ELOVL6: variants seen among roughly 807,000 people sequenced by gnomAD.
ELOVL6 encodes the protein very long chain fatty acid elongase 6.
A neutral mutation model predicts 31.7 loss-of-function variants in ELOVL6; 8 were observed. The ratio of observed to expected loss-of-function variants is 0.25; its 90% CI spans 0.15 to 0.45. The LOEUF is 0.45. Ranked by LOEUF, ELOVL6 falls within the 20% of genes least tolerant of loss-of-function variation. The probability of loss-of-function intolerance (pLI) is 1.00; values close to 1 mark genes in which losing one functional copy is unlikely to be tolerated. For missense variants in ELOVL6, 126 were observed against 326.4 expected (o/e 0.39, Z 4.73); for synonymous variants, 101 against 117.7 (o/e 0.86, Z 0.92).
At chr4:110,057,783 G>A (rs773357465) in intron 3 of ELOVL6, among the ~76,000 whole-genome samples, 17 of 150,412 alleles carry the variant, frequency 1.1e-4, no homozygotes, top group Admixed American at 8.0e-4. Context: ...CCCGGGACAC[G>A]GAGGTTGCAG....
chr4:110,179,173 G>A (rs1480194307), intron 1 of ELOVL6, among the ~76,000 whole-genome samples: 2 of 151,914 alleles, frequency 1.3e-5, no homozygotes, highest in Non-Finnish European at 2.9e-5. Context: ...TTTAATTGAC[G>A]AGACAAATAA....
chr4:110,055,276 G>A (rs1454060219), intron 3 of ELOVL6, among the ~76,000 whole-genome samples: 2 of 152,182 alleles, frequency 1.3e-5, no homozygotes, highest in African/African-American at 4.8e-5. Flanking sequence ...AGAAGCTATA[G>A]AGTGACCCAG....
chr4:110,182,011 G>A (rs1003981441), intron 1 of ELOVL6, among the ~76,000 whole-genome samples: 1 of 152,190 alleles, frequency 6.6e-6, no homozygotes, highest in African/African-American at 2.4e-5. Context: ...TACGTGTGCA[G>A]CATCTGTTTC....
In ELOVL6 at chr4:110,048,051, G is replaced by A. The variant is rs1174222957; in HGVS notation, c.*3287C>T. On this transcript the variant is annotated 3_prime_UTR_variant, in exon 4 of 4. Coordinates refer to ENST00000302274, the MANE Select transcript of ELOVL6 (RefSeq NM_024090.3). ...TCTTTTCTCATCAGTTTCTTTACAT[G>A]AGCAGAGAGGTGGAGAAGCGAGGGG... 2.6e-5 allele frequency: 4 copies of A among 152,010 alleles called. No homozygotes were observed. The highest frequency in any genetic ancestry group is 7.3e-5 in the African/African-American group (3 of 41,354). 9.4% of individuals were successfully genotyped at this position (152,010 alleles called of 1,614,324 possible).
At chr4:110,061,825 G>A (rs953414214) in intron 2 of ELOVL6, among the ~76,000 whole-genome samples, 1 of 152,158 alleles carries the variant, frequency 6.6e-6, no homozygotes, top group Non-Finnish European at 1.5e-5. Context: ...CAAAGTGCTG[G>A]GGTATAGCCC....
At chr4:110,179,389 C>G (rs1759208136) in intron 1 of ELOVL6, among the ~76,000 whole-genome samples, 1 of 152,040 alleles carries the variant, frequency 6.6e-6, no homozygotes, top group African/African-American at 2.4e-5. Context: ...GCCTGTAATC[C>G]CAGCTACTCA....
chr4:110,120,972 C>T (rs1473381692), intron 1 of ELOVL6, among the ~76,000 whole-genome samples: 6 of 151,608 alleles, frequency 4.0e-5, no homozygotes, highest in East Asian at 1.9e-4. Context: ...GGCTAATTTT[C>T]GTATTTTTAG....
At chr4:110,074,531 T>G (rs1301518791) in intron 2 of ELOVL6, among the ~76,000 whole-genome samples, 1 of 152,120 alleles carries the variant, frequency 6.6e-6, no homozygotes, top group Non-Finnish European at 1.5e-5. Flanking sequence ...CTGGAGAACT[T>G]TAGAAATGAT....
At chr4:110,166,747 T>C (rs207464951) in intron 1 of ELOVL6, among the ~76,000 whole-genome samples, 1 of 152,070 alleles carries the variant, frequency 6.6e-6, no homozygotes, top group African/African-American at 2.4e-5. Context: ...GCTACCACCA[T>C]GAAAGGAAAC....
chr4:110,168,584 G>A (rs1363367386), intron 1 of ELOVL6, among the ~76,000 whole-genome samples: 1 of 151,290 alleles, frequency 6.6e-6, no homozygotes, highest in Admixed American at 6.6e-5. Context: ...CTGCTCTCAC[G>A]TGCTTTCATT....
intron 1 of ELOVL6, among the ~76,000 whole-genome samples, chr4:110,180,601 C>T (rs533960442): frequency 8.5e-5 from 13 of 152,292 alleles, no homozygotes; most frequent in African/African-American, 3.1e-4. Flanking sequence ...TGAGTTCTCA[C>T]CATGTTGCCC....
intron 2 of ELOVL6, among the ~76,000 whole-genome samples, chr4:110,084,337 C>CATATGTG (rs1756105821): frequency 1.5e-5 from 1 of 64,946 alleles, no homozygotes; most frequent in African/African-American, 1.0e-4. Context: ...ATATATATCA[C>CATATGTG]ATATATGATA....
At chr4:110,070,557 T>C (rs148237171) in intron 2 of ELOVL6, among the ~76,000 whole-genome samples, 111 of 152,318 alleles carry the variant, frequency 7.3e-4, no homozygotes, top group African/African-American at 2.4e-3. Context: ...AGGTTTCACG[T>C]TCTCATGAGG....
At chr4:110,060,042 T>C (rs1755095889) in intron 2 of ELOVL6, 1 of 252,076 alleles carries the variant, frequency 4.0e-6, no homozygotes, top group Non-Finnish European at 7.5e-6. Flanking sequence ...TGAAGAATGC[T>C]GGTGACCTTT....
At chr4:110,126,487 G>A (rs1355792234) in intron 1 of ELOVL6, among the ~76,000 whole-genome samples, 1 of 152,092 alleles carries the variant, frequency 6.6e-6, no homozygotes, top group Non-Finnish European at 1.5e-5. Flanking sequence ...CATATGGATG[G>A]TAGTGAAAAA....
chr4:110,189,205 A>G (rs770005651), intron 1 of ELOVL6, among the ~76,000 whole-genome samples: 5 of 152,134 alleles, frequency 3.3e-5, no homozygotes, highest in Non-Finnish European at 7.3e-5. Context: ...GCTTGGACCA[A>G]GAAGCGGAGT....
At chr4:110,057,807 C>T (rs1039353849) in intron 3 of ELOVL6, among the ~76,000 whole-genome samples, 5 of 148,400 alleles carry the variant, frequency 3.4e-5, no homozygotes, top group Non-Finnish European at 5.9e-5. Context: ...GCCGAGATCG[C>T]GCCACTGCAC....
At chr4:110,081,707 T>C (rs1755858517) in intron 2 of ELOVL6, among the ~76,000 whole-genome samples, 1 of 151,076 alleles carries the variant, frequency 6.6e-6, no homozygotes, top group Non-Finnish European at 1.5e-5. Flanking sequence ...TCTGAAACAC[T>C]AAAAGCAAGG....
At chr4:110,089,947 A>T (rs1487150636) in intron 2 of ELOVL6, among the ~76,000 whole-genome samples, 4 of 152,184 alleles carry the variant, frequency 2.6e-5, no homozygotes, top group African/African-American at 7.2e-5. Context: ...ACTGTGTTGG[A>T]GCAATTTTCT....
Sources: gnomAD v4.1 joint callset for allele counts (sites outside exome capture counted in the v4.1 genomes callset) on GRCh38, gnomAD v4.1.1 for gene constraint, MANE v1.5 for transcripts, NCBI Gene and HGNC (gene_info 2026-07-23, HGNC 2026-07-21) for gene names.